Variants in AP4S1 observed in about 807,000 individuals in gnomAD.
AP4S1 encodes the protein AP-4 complex subunit sigma-1.
A neutral mutation model predicts 19.8 loss-of-function variants in AP4S1; 23 were observed. That is an observed-to-expected ratio of 1.16 (90% CI 0.84 to 1.65). The LOEUF (loss-of-function observed/expected upper bound fraction) is 1.65. Among genes scored for constraint, AP4S1 ranks in the 40% most tolerant of loss-of-function variants. AP4S1 has a pLI of 0.00. For missense variants in AP4S1, 166 were observed against 172.8 expected, an observed-to-expected ratio of 0.96 and a Z score of 0.22; for synonymous variants, 46 against 54.1, an observed-to-expected ratio of 0.85 and a Z score of 0.66.
intron 1 of AP4S1, chr14:31,026,087 C>A: frequency 6.5e-7 from 1 of 1,529,412 alleles, no homozygotes; most frequent in Non-Finnish European, 8.8e-7. Flanking sequence ...CTCCGTTCCC[C>A]CCGGGCGAAA....
At chr14:31,092,113 A>G (rs1888093146) in intron 5 of AP4S1, among the ~76,000 whole-genome samples, 1 of 152,232 alleles carries the variant, frequency 6.6e-6, no homozygotes, top group Non-Finnish European at 1.5e-5. Flanking sequence ...CTGTAAGCCA[A>G]AGTGGCTCCA....
chr14:31,025,881 G>A, intron 1 of AP4S1, 94 bp downstream of exon 1: 1 of 1,590,794 alleles, frequency 6.3e-7, no homozygotes. Flanking sequence ...CGCAGCTCCC[G>A]CACACCGACC....
At position 31,053,589 on chromosome 14, in the gene AP4S1, C is replaced by CTT. The variant is rs758966011; in HGVS notation, c.-71-12509_-71-12508dup. Among the ~76,000 whole-genome samples the CTT allele has an allele frequency of 8.9e-4, 63 of 71,184 alleles. 1 individual carries two copies. Among genetic ancestry groups the CTT allele is most frequent in the South Asian group, 1.4e-3 (2 of 1,404 alleles). 46.7% of individuals were successfully genotyped at this position (71,184 alleles called of 152,430 possible). ...AACACATCTTTTTAGTGACTTTTTT[C>CTT]TTTTTTTTTTTTTTTTTTTTTTTTT... On this transcript the variant is annotated intron_variant, in intron 1 of 5. Transcript: ENST00000542754.
intron 1 of AP4S1, among the ~76,000 whole-genome samples, chr14:31,033,859 G>C (rs1160067610): frequency 6.6e-6 from 1 of 152,156 alleles, no homozygotes; most frequent in African/African-American, 2.4e-5. Context: ...TGTAGTCCAA[G>C]TTTATTCTGT....
intron 2 of AP4S1, among the ~76,000 whole-genome samples, chr14:31,068,388 A>G (rs1049455237): frequency 1.3e-5 from 2 of 152,248 alleles, no homozygotes; most frequent in African/African-American, 4.8e-5. Flanking sequence ...GTGCTCAGAA[A>G]TAACATGGTA....
intron 1 of AP4S1, among the ~76,000 whole-genome samples, chr14:31,057,339 A>G (rs994197459): frequency 1.3e-5 from 2 of 152,190 alleles, no homozygotes; most frequent in African/African-American, 4.8e-5. Flanking sequence ...ACCTGGAAGC[A>G]GCTCCAGAAT....
At chr14:31,055,697 GAA>G (rs898477655) in intron 1 of AP4S1, among the ~76,000 whole-genome samples, 25 of 142,474 alleles carry the variant, frequency 1.8e-4, no homozygotes, top group African/African-American at 6.5e-4. Flanking sequence ...AGGCAAAAAA[GAA>G]ATGTTTTTGT....
In AP4S1 at chr14:31,059,981, ATATGTATATATATT is replaced by A. The variant is rs1417269925; in HGVS notation, c.-71-6141_-71-6128del. Among the ~76,000 whole-genome samples the A allele has an allele frequency of 8.6e-3, 618 of 72,212 alleles. 6 individuals are homozygous for A. Among genetic ancestry groups the A allele is most frequent in the African/African-American group, 0.034 (577 of 16,990 alleles). The allele number at this position is 72,212 out of a possible 152,430, so 47.4% of individuals were successfully genotyped here. On this transcript the variant is annotated intron_variant, in intron 1 of 5. Coordinates refer to ENST00000542754, the MANE Select transcript of AP4S1 (RefSeq NM_001128126.3). ...TATGTATATATATGTATTTATGTAT[ATATGTATATATATT>A]TATATGTATTTATGTATATATGTAT... is the stretch of plus-strand genomic sequence containing the variant.
chr14:31,029,039 CA>C (rs1318909966), intron 1 of AP4S1, among the ~76,000 whole-genome samples: 1 of 152,180 alleles, frequency 6.6e-6, no homozygotes. Flanking sequence ...ACCCTCAAAA[CA>C]AAAACAAAAT....
At chr14:31,070,848 C>G (rs529984343) in intron 3 of AP4S1, among the ~76,000 whole-genome samples, 4 of 152,194 alleles carry the variant, frequency 2.6e-5, no homozygotes, top group Non-Finnish European at 4.4e-5. Context: ...GTCAGGAGAT[C>G]GAGACCATCC....
At chr14:31,091,181 C>G (rs1274543223) in intron 5 of AP4S1, among the ~76,000 whole-genome samples, 1 of 152,118 alleles carries the variant, frequency 6.6e-6, no homozygotes, top group Admixed American at 6.6e-5. Context: ...GCAGCTTGAT[C>G]CCCGAACTAA....
chr14:31,034,110 T>C (rs959761843), intron 1 of AP4S1, among the ~76,000 whole-genome samples: 26 of 152,206 alleles, frequency 1.7e-4, no homozygotes, highest in Admixed American at 6.5e-5. Context: ...CAGGCTTGGT[T>C]TGTCATTGAA....
chr14:31,074,156 C>T (rs1245932840), intron 4 of AP4S1, among the ~76,000 whole-genome samples: 1 of 150,608 alleles, frequency 6.6e-6, no homozygotes, highest in East Asian at 2.0e-4. Flanking sequence ...GAAACCCTGT[C>T]TCTACTAAAA....
At chr14:31,068,115 G>A (rs903850550) in intron 2 of AP4S1, among the ~76,000 whole-genome samples, 11 of 152,052 alleles carry the variant, frequency 7.2e-5, no homozygotes, top group Non-Finnish European at 1.3e-4. Context: ...TGAGCCACCC[G>A]CCTTGGCCTC....
At chr14:31,059,357 A>T (rs1886303153) in intron 1 of AP4S1, among the ~76,000 whole-genome samples, 1 of 152,182 alleles carries the variant, frequency 6.6e-6, no homozygotes, top group South Asian at 2.1e-4. Context: ...TGTAAGGTAG[A>T]AACCAATTTG....
chr14:31,049,474 T>TACACACACACACAC (rs1165169644), intron 1 of AP4S1, among the ~76,000 whole-genome samples: 789 of 57,100 alleles, frequency 0.014, 13 homozygotes, highest in South Asian at 0.037. Context: ...TATATATATG[T>TACACACACACACAC]ACACACACAC....
At chr14:31,053,230 C>T (rs1310096647) in intron 1 of AP4S1, among the ~76,000 whole-genome samples, 14 of 152,086 alleles carry the variant, frequency 9.2e-5, no homozygotes, top group Non-Finnish European at 1.0e-4. Flanking sequence ...CATGAGCCAC[C>T]GCGTCCGGCC....
chr14:31,051,750 T>C (rs2139501037), intron 1 of AP4S1, among the ~76,000 whole-genome samples: 1 of 152,236 alleles, frequency 6.6e-6, no homozygotes, highest in Non-Finnish European at 1.5e-5. Flanking sequence ...AACTTCCCCC[T>C]CCCGGGTTCA....
chr14:31,088,435 A>T (rs1887980568), intron 5 of AP4S1, among the ~76,000 whole-genome samples: 3 of 152,186 alleles, frequency 2.0e-5, no homozygotes, highest in Admixed American at 2.0e-4. Flanking sequence ...ATAAGCCTAC[A>T]TAAACTTTAA....
Sources: gnomAD v4.1 joint callset for allele counts (sites outside exome capture counted in the v4.1 genomes callset) on GRCh38, gnomAD v4.1.1 for gene constraint, MANE v1.5 for transcripts, NCBI Gene and HGNC (gene_info 2026-07-23, HGNC 2026-07-21) for gene names.